ADGRB3: variants seen among roughly 807,000 people sequenced by gnomAD.
The protein encoded by ADGRB3 is adhesion G protein-coupled receptor B3, also known as brain-specific angiogenesis inhibitor 3.
In ADGRB3, 37 loss-of-function variants were observed where a neutral mutation model predicts 193.4. The observed-to-expected ratio is 0.19, with a 90% CI of 0.15 to 0.25. The LOEUF (loss-of-function observed/expected upper bound fraction) is 0.25, where lower values mean the gene tolerates loss of function less well. Ranked by LOEUF, ADGRB3 falls within the 10% of genes least tolerant of loss-of-function variation. ADGRB3 has a pLI of 1.00. For missense variants in ADGRB3, 1,637 were observed against 1,852.9 expected, an observed-to-expected ratio of 0.88 and a Z score of 2.14; for synonymous variants, 690 against 644.2, an observed-to-expected ratio of 1.07 and a Z score of -1.08.
At chr6:69,115,691 A>G (rs1256737068) in intron 17 of ADGRB3, among the ~76,000 whole-genome samples, 1 of 152,216 alleles carries the variant, frequency 6.6e-6, no homozygotes, top group African/African-American at 2.4e-5. Flanking sequence ...TGTGGCAGCC[A>G]TGGAGATGTG....
At chr6:68,866,161 C>T (rs1014106095) in intron 3 of ADGRB3, among the ~76,000 whole-genome samples, 1 of 152,132 alleles carries the variant, frequency 6.6e-6, no homozygotes, top group Non-Finnish European at 1.5e-5. Flanking sequence ...TGTGTCCCCA[C>T]CCAAATCTCA....
intron 21 of ADGRB3, among the ~76,000 whole-genome samples, chr6:69,327,056 C>G (rs1014629768): frequency 6.6e-6 from 1 of 151,750 alleles, no homozygotes; most frequent in Non-Finnish European, 1.5e-5. Flanking sequence ...AGAAGACAGA[C>G]AGAGGACATA....
chr6:68,831,006 C>T (rs1407833632), intron 3 of ADGRB3, among the ~76,000 whole-genome samples: 2 of 149,420 alleles, frequency 1.3e-5, no homozygotes, highest in Non-Finnish European at 3.0e-5. Context: ...CGTGATCTAA[C>T]CTACATTTAA....
chr6:68,842,788 A>G (rs1003063752), intron 3 of ADGRB3, among the ~76,000 whole-genome samples: 3 of 151,950 alleles, frequency 2.0e-5, no homozygotes, highest in African/African-American at 4.8e-5. Context: ...CTCGCAAACA[A>G]TACACTCAAC....
In ADGRB3 at chr6:68,946,271, AT is replaced by A. The variant is rs564532011; in HGVS notation, c.1195+2280del. On this transcript the variant is annotated intron_variant, in intron 6 of 31. Coordinates refer to ENST00000370598, the MANE Select transcript of ADGRB3 (RefSeq NM_001704.3). ...ATATGTAGGTTTATTTGGTGGAAAC[AT>A]TTGAAATTCTCTTTAGAACTCATCA... Among the ~76,000 whole-genome samples the A allele has an allele frequency of 1.4e-3, 211 of 152,254 alleles. 1 individual carries two copies. The highest frequency in any genetic ancestry group is 5.0e-3 in the African/African-American group (208 of 41,574).
At chr6:68,640,711 G>A (rs1359965827) in intron 3 of ADGRB3, among the ~76,000 whole-genome samples, 2 of 152,174 alleles carry the variant, frequency 1.3e-5, no homozygotes, top group Non-Finnish European at 2.9e-5. Flanking sequence ...TTCTTTAAGT[G>A]TAGCCAAGGC....
intron 19 of ADGRB3, among the ~76,000 whole-genome samples, chr6:69,236,894 G>A (rs1766277567): frequency 6.6e-6 from 1 of 151,944 alleles, no homozygotes; most frequent in Non-Finnish European, 1.5e-5. Context: ...AGATGAACTT[G>A]AGAATTACAG....
At chr6:68,940,870 C>T (rs1422366106) in intron 5 of ADGRB3, among the ~76,000 whole-genome samples, 3 of 151,912 alleles carry the variant, frequency 2.0e-5, no homozygotes, top group African/African-American at 7.3e-5. Flanking sequence ...CCAGCCTGGG[C>T]GAGAGTGAGA....
chr6:68,919,149 T>C (rs1415611008), intron 3 of ADGRB3, among the ~76,000 whole-genome samples: 1 of 152,196 alleles, frequency 6.6e-6, no homozygotes, highest in African/African-American at 2.4e-5. Flanking sequence ...GTAAAGTATA[T>C]GTCTATTCTA....
At chr6:68,792,811 A>G (rs974373034) in intron 3 of ADGRB3, among the ~76,000 whole-genome samples, 3 of 151,930 alleles carry the variant, frequency 2.0e-5, no homozygotes, top group Non-Finnish European at 2.9e-5. Context: ...GATGTCCCCA[A>G]CTCTTATACT....
chr6:68,826,384 A>G (rs1215271920), intron 3 of ADGRB3, among the ~76,000 whole-genome samples: 1 of 152,154 alleles, frequency 6.6e-6, no homozygotes, highest in Non-Finnish European at 1.5e-5. Context: ...GTAAAAACAA[A>G]TGCCCTGAAG....
intron 3 of ADGRB3, among the ~76,000 whole-genome samples, chr6:68,648,493 C>A (rs1254330176): frequency 7.2e-6 from 1 of 137,996 alleles, no homozygotes; most frequent in Non-Finnish European, 1.5e-5. Context: ...CGAAAGAGAG[C>A]AAATATGGGC....
chr6:69,196,750 A>T (rs1251971313), intron 17 of ADGRB3, among the ~76,000 whole-genome samples: 2 of 152,134 alleles, frequency 1.3e-5, no homozygotes, highest in African/African-American at 4.8e-5. Context: ...AGTCTGTAAC[A>T]CTTACATAAT....
intron 20 of ADGRB3, among the ~76,000 whole-genome samples, chr6:69,283,805 A>G (rs1767490452): frequency 1.3e-5 from 2 of 152,180 alleles, no homozygotes; most frequent in African/African-American, 4.8e-5. Flanking sequence ...ATCTCAGTAC[A>G]AGCAAGTGCG....
intron 20 of ADGRB3, among the ~76,000 whole-genome samples, chr6:69,244,478 T>C (rs1379687413): frequency 1.3e-5 from 2 of 152,236 alleles, no homozygotes; most frequent in East Asian, 1.9e-4. Context: ...TCCCAGCTTC[T>C]GCACACATTT....
At chr6:69,066,533 T>C (rs1181350880) in intron 16 of ADGRB3, among the ~76,000 whole-genome samples, 1 of 152,084 alleles carries the variant, frequency 6.6e-6, no homozygotes, top group Non-Finnish European at 1.5e-5. Context: ...TGGGAACTGA[T>C]AGGAATAGGT....
At chr6:68,929,388 G>T (rs1206763982) in intron 3 of ADGRB3, among the ~76,000 whole-genome samples, 1 of 152,096 alleles carries the variant, frequency 6.6e-6, no homozygotes, top group Non-Finnish European at 1.5e-5. Context: ...TAATTTTTAT[G>T]TGAGGATTTG....
rs529230830 is a variant in ADGRB3, at chr6:68,824,029, A to G, written c.758-106530A>G. On this transcript the variant is annotated intron_variant, in intron 3 of 31. Transcript: ENST00000370598. Reference sequence around the variant, plus strand: ...TACGTGCATCGCTGTGGAATTCTTCATATTTGTCTCACTTGTGCTTACTCT... The same window carrying G: ...TACGTGCATCGCTGTGGAATTCTTCGTATTTGTCTCACTTGTGCTTACTCT... Among the ~76,000 whole-genome samples the G allele has an allele frequency of 3.9e-5, 6 of 152,222 alleles. No individual in the cohort carries two copies. The South Asian group carries it at 1.0e-3, about 26-fold the overall frequency.
intron 13 of ADGRB3, among the ~76,000 whole-genome samples, chr6:69,038,452 C>T (rs1770938989): frequency 6.6e-6 from 1 of 152,074 alleles, no homozygotes; most frequent in South Asian, 2.1e-4. Flanking sequence ...TGTTCTTAGT[C>T]TTACTTTCTG....
Sources: gnomAD v4.1 joint callset for allele counts (sites outside exome capture counted in the v4.1 genomes callset) on GRCh38, gnomAD v4.1.1 for gene constraint, MANE v1.5 for transcripts, NCBI Gene and HGNC (gene_info 2026-07-23, HGNC 2026-07-21) for gene names.